ERC1: variants seen among roughly 807,000 people sequenced by gnomAD.
The protein encoded by ERC1 is RAB6 interacting protein 2.
In ERC1, 56 loss-of-function variants were observed where a neutral mutation model predicts 132.0. The ratio of observed to expected loss-of-function variants is 0.42; its 90% CI spans 0.34 to 0.53. The LOEUF (loss-of-function observed/expected upper bound fraction) is 0.53. ERC1 is among the 20% of genes least tolerant of loss of function. The probability of loss-of-function intolerance (pLI) is 0.03; values close to 1 mark genes in which losing one functional copy is unlikely to be tolerated. For missense variants in ERC1, 1,202 were observed against 1,349.9 expected, an observed-to-expected ratio of 0.89 and a Z score of 1.72; for synonymous variants, 478 against 476.1, an observed-to-expected ratio of 1.00 and a Z score of -0.05.
At chr12:1,199,148 C>T (rs112915513) in intron 12 of ERC1, among the ~76,000 whole-genome samples, 10,608 of 100,814 alleles carry the variant, frequency 0.11, 234 homozygotes, top group African/African-American at 0.18. Context: ...GACAAACCAC[C>T]GTCATGATCC....
At chr12:1,198,920 C>A (rs1450025634) in intron 12 of ERC1, among the ~76,000 whole-genome samples, 1 of 148,234 alleles carries the variant, frequency 6.7e-6, no homozygotes, top group Non-Finnish European at 1.5e-5. Flanking sequence ...CCAGGCCCCA[C>A]CTCCAACACT....
rs564046919 is a variant in ERC1 at position 1,393,177 on chromosome 12, A to T, written c.2926-14972A>T. Among the ~76,000 whole-genome samples, 861 of 152,344 alleles carry T rather than the reference A, an allele frequency of 5.7e-3. 11 individuals are homozygous for T. The highest frequency in any genetic ancestry group is 0.02 in the African/African-American group (832 of 41,568). ...GACTCAGTTATATTCTTTTCTTACC[A>T]TGTATGGACCATGATTTTGTAAAAA... On this transcript the variant is annotated intron_variant, in intron 16 of 18. Coordinates refer to ENST00000360905, the MANE Select transcript of ERC1 (RefSeq NM_178040.4).
intron 18 of ERC1, among the ~76,000 whole-genome samples, chr12:1,448,518 A>G (rs537762179): frequency 6.6e-6 from 1 of 152,364 alleles, no homozygotes; most frequent in African/African-American, 2.4e-5. Context: ...TTTAACGGCC[A>G]AGAAACAGAA....
At chr12:1,250,051 C>G (rs1389843569) in intron 13 of ERC1, among the ~76,000 whole-genome samples, 1 of 152,178 alleles carries the variant, frequency 6.6e-6, no homozygotes, top group Admixed American at 6.5e-5. Context: ...TGATTCTGAT[C>G]TGATCTGATT....
chr12:1,101,124 A>T (rs1406825323), intron 3 of ERC1, among the ~76,000 whole-genome samples: 1 of 152,158 alleles, frequency 6.6e-6, no homozygotes, highest in Non-Finnish European at 1.5e-5. Context: ...AATTGCATAG[A>T]TGATTATTTG....
chr12:1,160,374 G>A (rs1052084212), intron 8 of ERC1, among the ~76,000 whole-genome samples: 8 of 152,168 alleles, frequency 5.3e-5, no homozygotes, highest in Non-Finnish European at 1.2e-4. Flanking sequence ...TTGTTTGCAG[G>A]TCCAGACTTT....
At chr12:1,439,549 G>T (rs552200140) in intron 17 of ERC1, among the ~76,000 whole-genome samples, 2 of 152,278 alleles carry the variant, frequency 1.3e-5, no homozygotes, top group East Asian at 1.9e-4. Context: ...TTTTGTAAAT[G>T]TAGCATTGGG....
chr12:1,231,853 C>T (rs1235207129), intron 12 of ERC1, among the ~76,000 whole-genome samples: 1 of 152,122 alleles, frequency 6.6e-6, no homozygotes, highest in Non-Finnish European at 1.5e-5. Context: ...GATTCTCCTG[C>T]CTCCGCCTCC....
At chr12:1,377,021 ATTTTCATACAGTAG>A (rs1566716497) in intron 16 of ERC1, among the ~76,000 whole-genome samples, 1 of 152,124 alleles carries the variant, frequency 6.6e-6, no homozygotes, top group Non-Finnish European at 1.5e-5. Context: ...TCAGTCAAGC[ATTTTCATACAGTAG>A]TTTTCTACTG....
Position 1,353,852 on chromosome 12 carries a change from A to G in ERC1, c.2781-17981A>G, listed in dbSNP as rs145486063. On this transcript the variant is annotated intron_variant, in intron 15 of 18. Coordinates refer to ENST00000360905, the MANE Select transcript of ERC1 (RefSeq NM_178040.4). Reference sequence around the variant, plus strand: ...ACCCTCCAAAGTAGTAACTTTCGAAAAACTAAATCCGATGGAAATTTTGTA... The same window carrying G: ...ACCCTCCAAAGTAGTAACTTTCGAAGAACTAAATCCGATGGAAATTTTGTA... 1.5e-4 allele frequency among the ~76,000 whole-genome samples: 23 copies of G among 152,334 alleles called. No individual in the cohort carries two copies. In the East Asian group the frequency reaches 4.4e-3, roughly 29 times the overall value.
chr12:1,351,247 TC>T (rs1356614480), intron 15 of ERC1, among the ~76,000 whole-genome samples: 1 of 152,256 alleles, frequency 6.6e-6, no homozygotes, highest in Non-Finnish European at 1.5e-5. Flanking sequence ...AGTCCTATTG[TC>T]ACTGATATTT....
At chr12:1,421,245 C>T (rs1173223775) in intron 17 of ERC1, among the ~76,000 whole-genome samples, 2 of 152,192 alleles carry the variant, frequency 1.3e-5, no homozygotes, top group South Asian at 2.1e-4. Context: ...ACTCGCTCAG[C>T]GGATTCTTCT....
intron 17 of ERC1, chr12:1,430,194 G>A (rs143905294): frequency 6.6e-6 from 1 of 152,110 alleles, no homozygotes. Flanking sequence ...CAAAATGAGT[G>A]ATCCAAGAGA....
intron 18 of ERC1, among the ~76,000 whole-genome samples, chr12:1,471,455 T>C (rs2093859748): frequency 6.6e-6 from 1 of 152,248 alleles, no homozygotes; most frequent in Admixed American, 6.5e-5. Flanking sequence ...TGGTGACATC[T>C]GCGAATACAA....
At chr12:1,033,463 A>G (rs1294021393) in intron 2 of ERC1, among the ~76,000 whole-genome samples, 1 of 142,202 alleles carries the variant, frequency 7.0e-6, no homozygotes, top group Non-Finnish European at 1.5e-5. Context: ...GAGCCACCGC[A>G]CCCAGCCTTT....
intron 17 of ERC1, among the ~76,000 whole-genome samples, chr12:1,413,112 A>AT (rs2091932550): frequency 6.6e-6 from 1 of 152,176 alleles, no homozygotes; most frequent in South Asian, 2.1e-4. Context: ...ATGTTGAGGA[A>AT]TTTTTTCCTT....
chr12:1,016,254 T>C (rs911236830), intron 1 of ERC1, among the ~76,000 whole-genome samples: 1 of 152,266 alleles, frequency 6.6e-6, no homozygotes, highest in East Asian at 1.9e-4. Context: ...CTGGTTCAAC[T>C]TACAAATATA....
chr12:1,299,505 A>G (rs2080228411), intron 15 of ERC1, among the ~76,000 whole-genome samples: 1 of 152,230 alleles, frequency 6.6e-6, no homozygotes, highest in Non-Finnish European at 1.5e-5. Flanking sequence ...AAGTGGTTAG[A>G]ATGAAATTTT....
chr12:1,271,650 TC>T (rs1383340789), intron 14 of ERC1, among the ~76,000 whole-genome samples: 1 of 152,222 alleles, frequency 6.6e-6, no homozygotes, highest in African/African-American at 2.4e-5. Flanking sequence ...GGCCTCGAAC[TC>T]CTGGGCTCAA....
Sources: allele counts gnomAD v4.1 joint callset (sites outside exome capture counted in the v4.1 genomes callset), GRCh38; gene constraint gnomAD v4.1.1; transcripts MANE v1.5; gene names NCBI Gene and HGNC (gene_info 2026-07-23, HGNC 2026-07-21).